The following F13A1 variants were observed in gnomAD, a reference collection of about 807,000 sequenced individuals.
F13A1 encodes coagulation factor XIII A chain.
F13A1 carries 47 observed loss-of-function variants against 80.1 expected under a neutral mutation model. The observed-to-expected ratio is 0.59, with a 90% CI of 0.46 to 0.75. The LOEUF is 0.75. Ranked by LOEUF, F13A1 falls within the 30% of genes least tolerant of loss-of-function variation. The probability of loss-of-function intolerance (pLI) is 0.00; values close to 1 mark genes in which losing one functional copy is unlikely to be tolerated. For synonymous variants in F13A1, 349 were observed against 344.9 expected, an observed-to-expected ratio of 1.01 and a Z score of -0.13; for missense variants, 817 against 930.4, an observed-to-expected ratio of 0.88 and a Z score of 1.59.
At chr6:6,190,898 C>A (rs374677224) in intron 10 of F13A1, among the ~76,000 whole-genome samples, 1 of 146,648 alleles carries the variant, frequency 6.8e-6, no homozygotes, top group Non-Finnish European at 1.5e-5. Context: ...TAGGACCCTC[C>A]GAGCCAGGTG....
At chr6:6,164,039 T>C (rs1454575578) in intron 13 of F13A1, among the ~76,000 whole-genome samples, 1 of 152,204 alleles carries the variant, frequency 6.6e-6, no homozygotes, top group African/African-American at 2.4e-5. Flanking sequence ...TCATGGTGGC[T>C]TTGATTTGCA....
At chr6:6,171,938 GT>G (rs1003766198) in intron 12 of F13A1, among the ~76,000 whole-genome samples, 17 of 151,860 alleles carry the variant, frequency 1.1e-4, no homozygotes, top group Non-Finnish European at 1.9e-4. Flanking sequence ...ATTAGAGAGG[GT>G]TTTTTTTCTG....
chr6:6,248,692 T>G (rs993480786), intron 5 of F13A1, among the ~76,000 whole-genome samples: 2 of 152,212 alleles, frequency 1.3e-5, no homozygotes, highest in Admixed American at 1.3e-4. Flanking sequence ...ATAAGCTGAC[T>G]TGAAGTTCTT....
At chr6:6,179,864 A>T (rs1479708952) in intron 11 of F13A1, among the ~76,000 whole-genome samples, 1 of 152,126 alleles carries the variant, frequency 6.6e-6, no homozygotes, top group Non-Finnish European at 1.5e-5. Context: ...CAGTGCGGAC[A>T]CATTTTGTTT....
Position 6,250,221 on chromosome 6 carries a change from C to T in F13A1, c.690+590G>A, listed in dbSNP as rs574775808. ...AAATTGGTAAAATATCATTCATTTG[C>T]TCCATTGTTAAAGATACCAAACTGA... On this transcript the variant is annotated intron_variant, in intron 5 of 14. Coordinates refer to ENST00000264870, the MANE Select transcript of F13A1 (RefSeq NM_000129.4). This position sits in a 1 kb window ranked among gnomAD's most constrained non-coding sequence, Gnocchi z 4.2. Among the ~76,000 whole-genome samples the T allele has an allele frequency of 7.2e-5, 11 of 152,124 alleles. No individual in the cohort carries two copies. The highest frequency in any genetic ancestry group is 2.7e-4 in the African/African-American group (11 of 41,434).
chr6:6,245,236 G>A (rs1757539087), intron 6 of F13A1, among the ~76,000 whole-genome samples: 2 of 152,162 alleles, frequency 1.3e-5, no homozygotes, highest in South Asian at 4.2e-4. Context: ...TGGGGATTGT[G>A]CACTTAAAAT....
intron 2 of F13A1, among the ~76,000 whole-genome samples, chr6:6,307,266 A>G (rs929803059): frequency 1.3e-5 from 2 of 152,124 alleles, no homozygotes; most frequent in African/African-American, 2.4e-5. Context: ...CGGCAAGCAG[A>G]AAGTGCAGGA....
intron 10 of F13A1, among the ~76,000 whole-genome samples, chr6:6,182,668 G>T (rs1345225109): frequency 6.6e-6 from 1 of 152,190 alleles, no homozygotes. Flanking sequence ...TGAAGCTGCT[G>T]TGGCCATCGT....
chr6:6,315,979 C>T (rs1346120291), intron 2 of F13A1, among the ~76,000 whole-genome samples: 1 of 148,954 alleles, frequency 6.7e-6, no homozygotes, highest in Non-Finnish European at 1.5e-5. Flanking sequence ...TGCCAGAAAA[C>T]CTGCTTTTAG....
chr6:6,199,479 C>T (rs927052664), intron 8 of F13A1, among the ~76,000 whole-genome samples: 34 of 147,892 alleles, frequency 2.3e-4, no homozygotes, highest in African/African-American at 8.1e-4. Context: ...GTCGACAGAG[C>T]GAGACTCCAT....
At chr6:6,193,209 T>C (rs1299494729) in intron 10 of F13A1, among the ~76,000 whole-genome samples, 1 of 152,110 alleles carries the variant, frequency 6.6e-6, no homozygotes, top group Non-Finnish European at 1.5e-5. Flanking sequence ...AGGTAAGACA[T>C]TTTCCAGGCA....
intron 13 of F13A1, among the ~76,000 whole-genome samples, chr6:6,157,896 C>T (rs1289900339): frequency 6.6e-6 from 1 of 152,166 alleles, no homozygotes; most frequent in Non-Finnish European, 1.5e-5. Context: ...AGTGACTCCT[C>T]ATTTTCATTC....
intron 11 of F13A1, among the ~76,000 whole-genome samples, chr6:6,180,691 C>A (rs1760964960): frequency 6.6e-6 from 1 of 152,066 alleles, no homozygotes; most frequent in African/African-American, 2.4e-5. Flanking sequence ...GGATGATAAC[C>A]AACAGAAGAG....
chr6:6,308,603 A>G (rs1385027108), intron 2 of F13A1, among the ~76,000 whole-genome samples: 2 of 116,418 alleles, frequency 1.7e-5, no homozygotes, highest in South Asian at 5.4e-4. Flanking sequence ...CTTAAAACAC[A>G]TTCTTTTTTT....
intron 10 of F13A1, among the ~76,000 whole-genome samples, chr6:6,193,645 A>T (rs917543982): frequency 6.6e-6 from 1 of 152,220 alleles, no homozygotes; most frequent in Non-Finnish European, 1.5e-5. Context: ...GATGACATTC[A>T]TAACACCCCG....
At chr6:6,267,634 G>A (rs983909964) in intron 3 of F13A1, among the ~76,000 whole-genome samples, 1 of 152,104 alleles carries the variant, frequency 6.6e-6, no homozygotes, top group Non-Finnish European at 1.5e-5. Context: ...CCCAGCAGCT[G>A]TTGTCACTAA....
intron 4 of F13A1, among the ~76,000 whole-genome samples, chr6:6,264,781 G>A (rs769966839): frequency 6.6e-6 from 1 of 152,114 alleles, no homozygotes; most frequent in Non-Finnish European, 1.5e-5. Context: ...CCTCACATCT[G>A]GTTTTAAGAT....
At chr6:6,316,348 G>A (rs974594578) in intron 2 of F13A1, among the ~76,000 whole-genome samples, 11 of 151,252 alleles carry the variant, frequency 7.3e-5, no homozygotes, top group African/African-American at 2.2e-4. Context: ...TTGACTGTTC[G>A]TTCATTCATT....
intron 4 of F13A1, among the ~76,000 whole-genome samples, chr6:6,261,470 C>A (rs989624000): frequency 3.3e-5 from 5 of 152,220 alleles, no homozygotes; most frequent in Non-Finnish European, 5.9e-5. Flanking sequence ...TAAGTGTTGA[C>A]CCCGACCAGC....
Sources: allele counts gnomAD v4.1 joint callset (sites outside exome capture counted in the v4.1 genomes callset), GRCh38; gene constraint gnomAD v4.1.1; non-coding constraint Gnocchi (gnomAD v3.1); transcripts MANE v1.5; gene names NCBI Gene and HGNC (gene_info 2026-07-23, HGNC 2026-07-21).